Variants in CAPN13 observed in about 807,000 individuals in gnomAD.
The protein encoded by CAPN13 is calpain-13.
CAPN13 carries 90 observed loss-of-function variants against 98.4 expected under a neutral mutation model. The observed-to-expected ratio is 0.92, with a 90% CI of 0.77 to 1.09. The LOEUF (loss-of-function observed/expected upper bound fraction) is 1.09. Among genes scored for constraint, CAPN13 ranks in the 50% least tolerant of loss-of-function variants. CAPN13 has a pLI of 0.00. For synonymous variants in CAPN13, 330 were observed against 305.5 expected (o/e 1.08, Z -0.84); for missense variants, 887 against 841.3 (o/e 1.05, Z -0.67).
chr2:30,762,985 T>C (rs1025450872), intron 7 of CAPN13, 97 bp downstream of exon 7: 13 of 981,238 alleles, frequency 1.3e-5, no homozygotes, highest in Non-Finnish European at 1.7e-5. Flanking sequence ...ATTTCATCTT[T>C]CTTGGGCTTT....
chr2:30,787,440 T>A (rs1012373532), intron 1 of CAPN13, 83 bp from the exon 2 acceptor site: 3 of 1,003,458 alleles, frequency 3.0e-6, no homozygotes, highest in Non-Finnish European at 4.3e-6. Context: ...ATGGGCACTC[T>A]GATATACCAC....
intron 5 of CAPN13, among the ~76,000 whole-genome samples, chr2:30,767,831 C>A (rs1039042413): frequency 2.6e-5 from 4 of 152,214 alleles, no homozygotes; most frequent in African/African-American, 9.6e-5. Context: ...GGTGCTATCA[C>A]CACCTCTAGG....
Position 30,764,368 on chromosome 2 carries a change from C to A in CAPN13, c.525-62G>T. 2.6e-6 allele frequency: 4 copies of A among 1,553,846 alleles called. No individual in the cohort carries two copies. In the South Asian group the frequency reaches 4.7e-5, roughly 18 times the overall value. On this transcript the variant is annotated intron_variant, in intron 5 of 22. Transcript: ENST00000295055. ...TTGGTGAGATGCTCTGGGAGGGGAG[C>A]TTGTGCACTGATCCTCTGCCTATTT...
At chr2:30,730,884 C>T in intron 21 of CAPN13, 98 bp from the exon 22 acceptor site, 1 of 758,110 alleles carries the variant, frequency 1.3e-6, no homozygotes, top group South Asian at 1.4e-5. Flanking sequence ...AGACCTCAGT[C>T]CAGTCTCATC....
intron 7 of CAPN13, among the ~76,000 whole-genome samples, chr2:30,759,118 CCT>C (rs397518400): frequency 0.011 from 1,211 of 108,184 alleles, 22 homozygotes; most frequent in African/African-American, 0.044. Flanking sequence ...TCCCTTTCTT[CCT>C]CTGTCTCTTC....
chr2:30,775,721 T>C (rs547407151), intron 4 of CAPN13, among the ~76,000 whole-genome samples: 1 of 152,212 alleles, frequency 6.6e-6, no homozygotes, highest in East Asian at 1.9e-4. Flanking sequence ...TCATTTCTTT[T>C]TATTTACACA....
intron 2 of CAPN13, among the ~76,000 whole-genome samples, chr2:30,785,718 T>G (rs1169563938): frequency 1.3e-5 from 2 of 152,160 alleles, no homozygotes; most frequent in Admixed American, 6.5e-5. Flanking sequence ...ATAAATATGG[T>G]CTTACATCTA....
intron 1 of CAPN13, 37 bp from the exon 2 acceptor site, chr2:30,787,394 C>T: frequency 6.8e-7 from 1 of 1,466,454 alleles, no homozygotes; most frequent in South Asian, 1.4e-5. Flanking sequence ...TGGGGTAAGC[C>T]ATCAAGTCCT....
At chr2:30,800,490 C>T (rs1366491869) in intron 1 of CAPN13, among the ~76,000 whole-genome samples, 2 of 152,158 alleles carry the variant, frequency 1.3e-5, no homozygotes, top group Non-Finnish European at 2.9e-5. Context: ...AGAAGGTTTG[C>T]CTGACAGAAA....
intron 1 of CAPN13, among the ~76,000 whole-genome samples, chr2:30,800,761 G>T (rs1423600613): frequency 6.6e-6 from 1 of 152,172 alleles, no homozygotes; most frequent in East Asian, 1.9e-4. Context: ...ACACAAAAAA[G>T]AAACTTGTCT....
chr2:30,734,032 T>C (rs1671228488), intron 19 of CAPN13, among the ~76,000 whole-genome samples: 1 of 152,162 alleles, frequency 6.6e-6, no homozygotes, highest in Admixed American at 6.5e-5. Flanking sequence ...CAGATGCCAT[T>C]TGATTTAATT....
intron 15 of CAPN13, chr2:30,741,617 G>A (rs1265211847): frequency 1.7e-6 from 2 of 1,177,572 alleles, no homozygotes; most frequent in East Asian, 4.5e-5. Context: ...CCAATTGCTT[G>A]TTTAAAGATT....
Position 30,787,256 on chromosome 2 carries a change from A to G in CAPN13, c.70T>C (p.Leu24=), listed in dbSNP as rs367581088. ...CCCATGCTCAGGCAGTGATCCCGCA[A>G]GGTGGTAAAGTCCTGGTCTTTGAAC... ...IKFKDQDFTT[L]RDHCLSMGRT... is the part of the protein sequence containing the mutation. Residue 24 remains leucine (L), a synonymous_variant, in exon 2 of 23, where the codon TTG becomes CTG. Transcript: ENST00000295055. 379 of 1,613,166 alleles carry G rather than the reference A, an allele frequency of 2.3e-4. 1 individual carries two copies. The highest frequency in any genetic ancestry group is 2.8e-4 in the Non-Finnish European group (333 of 1,179,716).
chr2:30,755,345 G>C (rs17010175), intron 8 of CAPN13, among the ~76,000 whole-genome samples: 8,901 of 152,102 alleles, frequency 0.059, 847 homozygotes, highest in African/African-American at 0.2. Context: ...TGTCTCACTA[G>C]ACTCCCAGAA....
intron 7 of CAPN13, among the ~76,000 whole-genome samples, chr2:30,758,489 C>T (rs1046226117): frequency 6.6e-6 from 1 of 152,132 alleles, no homozygotes; most frequent in Non-Finnish European, 1.5e-5. Context: ...TTTATGGTTC[C>T]CCAGCCTCCT....
chr2:30,730,906 C>T, intron 21 of CAPN13, 120 bp from the exon 22 acceptor site: 1 of 724,084 alleles, frequency 1.4e-6, no homozygotes, highest in Non-Finnish European at 2.5e-6. Flanking sequence ...CCCCTTCCAG[C>T]TAATTCCAAC....
chr2:30,732,020 C>A (rs1198492563), intron 20 of CAPN13, among the ~76,000 whole-genome samples: 1 of 152,170 alleles, frequency 6.6e-6, no homozygotes, highest in Non-Finnish European at 1.5e-5. Flanking sequence ...AGTGTGGAAA[C>A]TTCGGCCCAC....
intron 12 of CAPN13, 35 bp from the exon 13 acceptor site, chr2:30,743,614 G>T: frequency 6.2e-7 from 1 of 1,603,820 alleles, no homozygotes; most frequent in Non-Finnish European, 8.5e-7. Context: ...TTGTGAGAAA[G>T]CCTCCTCTGT....
intron 13 of CAPN13, among the ~76,000 whole-genome samples, chr2:30,742,775 G>A (rs554260947): frequency 3.3e-5 from 5 of 152,250 alleles, no homozygotes; most frequent in African/African-American, 9.6e-5. Flanking sequence ...GGAGACAAGG[G>A]GCCCAGTGGG....
Sources: gnomAD v4.1 joint callset for allele counts (sites outside exome capture counted in the v4.1 genomes callset) on GRCh38, gnomAD v4.1.1 for gene constraint, MANE v1.5 for transcripts, NCBI Gene and HGNC (gene_info 2026-07-23, HGNC 2026-07-21) for gene names.